The following HDAC9 variants were observed in gnomAD, a reference collection of about 807,000 sequenced individuals.
The protein encoded by HDAC9 is histone deacetylase 9.
Under a neutral mutation model 139.4 loss-of-function variants are expected in HDAC9, and 41 were observed. The ratio of observed to expected loss-of-function variants is 0.29; its 90% CI spans 0.23 to 0.38. The LOEUF is 0.38. HDAC9 is among the 10% of genes least tolerant of loss of function. HDAC9 has a pLI of 1.00. For synonymous variants in HDAC9, 517 were observed against 476.2 expected, an observed-to-expected ratio of 1.09 and a Z score of -1.12; for missense variants, 1,147 against 1,297.0, an observed-to-expected ratio of 0.88 and a Z score of 1.78.
chr7:18,322,106 T>C (rs1189001318), intron 1 of HDAC9, among the ~76,000 whole-genome samples: 3 of 152,158 alleles, frequency 2.0e-5, no homozygotes, highest in Non-Finnish European at 4.4e-5. Context: ...TTTAGAACAA[T>C]ATCATCTACA....
intron 6 of HDAC9, among the ~76,000 whole-genome samples, chr7:18,619,142 T>G (rs1387917655): frequency 1.3e-5 from 2 of 152,146 alleles, no homozygotes; most frequent in Admixed American, 1.3e-4. Context: ...CTGTATGAGA[T>G]ATGGATTTCC....
intron 16 of HDAC9, among the ~76,000 whole-genome samples, chr7:18,776,227 A>G (rs2519744): frequency 0.25 from 37,705 of 151,926 alleles, 5,566 homozygotes; most frequent in East Asian, 0.61. Context: ...AGAGGCCTGA[A>G]CCACTGTGCC....
intron 17 of HDAC9, among the ~76,000 whole-genome samples, chr7:18,813,907 C>T (rs1384822364): frequency 6.6e-6 from 1 of 152,154 alleles, no homozygotes; most frequent in African/African-American, 2.4e-5. Context: ...GTTCCCACAC[C>T]ACAGTCCATT....
intron 1 of HDAC9, among the ~76,000 whole-genome samples, chr7:18,403,385 A>G (rs1027153708): frequency 1.3e-5 from 2 of 152,164 alleles, no homozygotes; most frequent in Non-Finnish European, 2.9e-5. Context: ...AGGTTTAACT[A>G]TTTTTAACTA....
chr7:18,255,518 G>A (rs1390755781), intron 2 of HDAC9, among the ~76,000 whole-genome samples: 1 of 152,042 alleles, frequency 6.6e-6, no homozygotes, highest in Admixed American at 6.6e-5. Flanking sequence ...AAATTATTCA[G>A]CTCGGAAACA....
intron 6 of HDAC9, among the ~76,000 whole-genome samples, chr7:18,618,738 AT>A (rs1418929322): frequency 1.0e-5 from 1 of 99,278 alleles, no homozygotes; most frequent in African/African-American, 4.4e-5. Context: ...ATATATATAT[AT>A]ATATATATAT....
rs1785380210 is a variant in HDAC9 at position 18,135,936 on chromosome 7, C to T, written c.-96-26293C>T. 2.5e-5 allele frequency among the ~76,000 whole-genome samples: 3 copies of T among 118,798 alleles called. No individual in the cohort carries two copies. The South Asian group carries it at 9.2e-4, about 36-fold the overall frequency. 77.9% of individuals were successfully genotyped at this position (118,798 alleles called of 152,430 possible). A position where few individuals can be genotyped will look rare whatever the true frequency, so the allele number is the denominator to read the frequency against. ...TCCCACCAACAGTGTAAAAGTGTTC[C>T]TATTTCTCCACATCCTCTCCAGCAC... On this transcript the variant is annotated intron_variant, in intron 1 of 12. Coordinates refer to the HDAC9 transcript ENST00000417496.
intron 2 of HDAC9, among the ~76,000 whole-genome samples, chr7:18,219,952 G>A (rs1466486171): frequency 1.3e-5 from 2 of 152,086 alleles, no homozygotes; most frequent in Non-Finnish European, 2.9e-5. Flanking sequence ...GGTCCTTTCA[G>A]CCTGTTTTCT....
intron 25 of HDAC9, among the ~76,000 whole-genome samples, chr7:18,989,421 C>G (rs1394529244): frequency 6.6e-6 from 1 of 152,030 alleles, no homozygotes; most frequent in South Asian, 2.1e-4. Context: ...GCCAAGAGAT[C>G]CGCTCTTAGT....
intron 2 of HDAC9, among the ~76,000 whole-genome samples, chr7:18,523,865 G>A (rs1805889935): frequency 6.6e-6 from 1 of 152,008 alleles, no homozygotes; most frequent in South Asian, 2.1e-4. Context: ...AGACAGATGA[G>A]GAGATTTAAA....
intron 2 of HDAC9, among the ~76,000 whole-genome samples, chr7:18,513,818 C>T (rs956015216): frequency 1.3e-5 from 2 of 152,160 alleles, no homozygotes; most frequent in Admixed American, 6.5e-5. Context: ...CAGATCATAT[C>T]GCAAGACTAT....
At chr7:18,173,246 C>T (rs1236329763) in intron 2 of HDAC9, among the ~76,000 whole-genome samples, 1 of 152,160 alleles carries the variant, frequency 6.6e-6, no homozygotes, top group Non-Finnish European at 1.5e-5. Flanking sequence ...GGTTTAAAGT[C>T]TGTTTTATCA....
Position 18,818,523 on chromosome 7 carries a change from T to C in HDAC9, c.2323-10638T>C, listed in dbSNP as rs184671551. ...TTATAAATGTCACATAGACTTACTA[T>C]TCTCTGCACTGCAGCTATACCTTTA... On this transcript the variant is annotated intron_variant, in intron 17 of 25. Coordinates refer to ENST00000686413, the MANE Select transcript of HDAC9 (RefSeq NM_178425.4). 4.9e-3 allele frequency among the ~76,000 whole-genome samples: 748 copies of C among 152,336 alleles called. 4 individuals are homozygous for C. Among genetic ancestry groups the C allele is most frequent in the African/African-American group, 0.017 (704 of 41,588 alleles).
At chr7:18,444,341 G>GAAAAAA (rs754142568) in intron 1 of HDAC9, among the ~76,000 whole-genome samples, 1 of 35,166 alleles carries the variant, frequency 2.8e-5, no homozygotes, top group African/African-American at 1.1e-4. Context: ...GACCCTGTCT[G>GAAAAAA]AAAAAAAAAA....
chr7:18,364,478 G>C (rs186260304), intron 1 of HDAC9, among the ~76,000 whole-genome samples: 1 of 152,054 alleles, frequency 6.6e-6, no homozygotes, highest in Non-Finnish European at 1.5e-5. Flanking sequence ...GTGAGAATTA[G>C]CATGGGGTGT....
chr7:18,978,395 G>A (rs1312679064), intron 25 of HDAC9, among the ~76,000 whole-genome samples: 4 of 152,108 alleles, frequency 2.6e-5, no homozygotes, highest in Non-Finnish European at 5.9e-5. Context: ...TTTCTTGGAT[G>A]GGGGAGGGGA....
At chr7:18,548,119 A>G (rs960460827) in intron 2 of HDAC9, among the ~76,000 whole-genome samples, 1 of 151,980 alleles carries the variant, frequency 6.6e-6, no homozygotes, top group Admixed American at 6.6e-5. Flanking sequence ...CCTAATTTCA[A>G]TATTCTTGTG....
intron 9 of HDAC9, among the ~76,000 whole-genome samples, chr7:18,645,596 G>A (rs980896369): frequency 2.0e-5 from 3 of 152,096 alleles, no homozygotes; most frequent in African/African-American, 4.8e-5. Flanking sequence ...GCAGAAGATG[G>A]CAATAATTAT....
At chr7:18,534,706 G>T (rs1810285132) in intron 2 of HDAC9, among the ~76,000 whole-genome samples, 1 of 152,214 alleles carries the variant, frequency 6.6e-6, no homozygotes, top group African/African-American at 2.4e-5. Flanking sequence ...GTAGATGGGT[G>T]AGTGTGCTTT....
Sources: allele counts gnomAD v4.1 joint callset (sites outside exome capture counted in the v4.1 genomes callset), GRCh38; gene constraint gnomAD v4.1.1; transcripts MANE v1.5; gene names NCBI Gene and HGNC (gene_info 2026-07-23, HGNC 2026-07-21).